The following CPPED1 variants were observed in gnomAD, a reference collection of about 807,000 sequenced individuals.
The protein encoded by CPPED1 is calcineurin like phosphoesterase domain containing 1.
Under a neutral mutation model 28.0 loss-of-function variants are expected in CPPED1, and 28 were observed. The ratio of observed to expected loss-of-function variants is 1.00; its 90% CI spans 0.74 to 1.37. The LOEUF is 1.37. Ranked by LOEUF, CPPED1 falls within the 40% of genes most tolerant of loss-of-function variation. The pLI, the probability that CPPED1 is intolerant of heterozygous loss-of-function variation, is 0.00. For missense variants in CPPED1, 504 were observed against 416.5 expected, an observed-to-expected ratio of 1.21 and a Z score of -1.83; for synonymous variants, 198 against 180.2, an observed-to-expected ratio of 1.10 and a Z score of -0.79.
At chr16:12,704,568 A>T in intron 3 of CPPED1, 56 bp downstream of exon 3, 1 of 1,514,520 alleles carries the variant, frequency 6.6e-7, no homozygotes. Flanking sequence ...AAGATCTGGA[A>T]ATGCCCTCTC....
At chr16:12,757,778 G>C (rs1410612721) in intron 2 of CPPED1, 1 of 149,250 alleles carries the variant, frequency 6.7e-6, no homozygotes, top group Admixed American at 6.9e-5. Context: ...GCTGTCACAT[G>C]TTGCCAGATT....
intron 2 of CPPED1, among the ~76,000 whole-genome samples, chr16:12,717,350 G>A (rs566276324): frequency 2.0e-5 from 3 of 152,230 alleles, no homozygotes; most frequent in South Asian, 2.1e-4. Flanking sequence ...TGCAAGCTGC[G>A]CCTCCCAGGT....
intron 1 of CPPED1, among the ~76,000 whole-genome samples, chr16:12,787,741 G>C (rs2080572973): frequency 1.3e-5 from 2 of 152,100 alleles, no homozygotes. Flanking sequence ...TTTTTTGACA[G>C]ATTCATAGAG....
intron 2 of CPPED1, chr16:12,761,258 C>T (rs1309816709): frequency 1.7e-5 from 2 of 117,522 alleles, no homozygotes; most frequent in Non-Finnish European, 3.2e-5. Context: ...GCCTGGGAGA[C>T]AGAGCCAGAC....
Position 12,665,123 on chromosome 16 carries a change from G to A in CPPED1, c.716-8C>T. ...AGAACACGACTTTGACACCTGCAGA[G>A]AAGGGAAAAAGTCATTAGGGGGCCG... On this transcript the variant is annotated splice_region_variant and splice_polypyrimidine_tract_variant and intron_variant, in intron 3 of 3. Coordinates refer to ENST00000381774, the MANE Select transcript of CPPED1 (RefSeq NM_018340.3). 6.3e-7 allele frequency: 1 copy of A among 1,588,520 alleles called. No homozygotes were observed. Among genetic ancestry groups the A allele is most frequent in the Admixed American group, 1.9e-5 (1 of 51,646 alleles).
chr16:12,664,270 A>G lies in CPPED1; in HGVS notation c.*616T>C. 1.3e-6 allele frequency: 1 copy of G among 786,160 alleles called. No individual in the cohort carries two copies. Among genetic ancestry groups the G allele is most frequent in the Non-Finnish European group, 1.5e-6 (1 of 647,852 alleles). 48.7% of individuals were successfully genotyped at this position (786,160 alleles called of 1,614,324 possible). A position where few individuals can be genotyped will look rare whatever the true frequency, so the allele number is the denominator to read the frequency against. On this transcript the variant is annotated 3_prime_UTR_variant, in exon 4 of 4. Transcript: ENST00000381774. This position sits in a 1 kb window ranked among gnomAD's most constrained non-coding sequence, Gnocchi z 4.2. The stretch of plus-strand genomic sequence containing the variant: ...TCTAGGCACCCAGGAAGGCAAATTT[A>G]AGCTCCGAGCTGTATCAACTGCATT...
At chr16:12,718,912 G>A (rs533030262) in intron 2 of CPPED1, among the ~76,000 whole-genome samples, 167 of 152,290 alleles carry the variant, frequency 1.1e-3, no homozygotes, top group African/African-American at 3.6e-3. Flanking sequence ...GCAGTGAGCT[G>A]AGATCCTTCC....
chr16:12,802,051 CT>C (rs2080663353), intron 1 of CPPED1, among the ~76,000 whole-genome samples: 2 of 152,124 alleles, frequency 1.3e-5, no homozygotes, highest in African/African-American at 4.8e-5. Context: ...TCTCCCTGCT[CT>C]GATTTCTTCT....
At chr16:12,767,204 T>C (rs575703987) in intron 2 of CPPED1, among the ~76,000 whole-genome samples, 18 of 152,228 alleles carry the variant, frequency 1.2e-4, no homozygotes, top group Admixed American at 6.5e-4. Flanking sequence ...GAGAAACTGA[T>C]GGTGTTAGTG....
rs191179750 is a variant in CPPED1 at position 12,731,244 on chromosome 16, C to G, written c.290-26195G>C. On this transcript the variant is annotated intron_variant, in intron 2 of 3. Coordinates refer to ENST00000381774, the MANE Select transcript of CPPED1 (RefSeq NM_018340.3). ...TCTCGGCTCACTGCAAGCTCCACCC[C>G]CCGGGTTCATGCCATTCCCCTGCCT... Among the ~76,000 whole-genome samples the G allele has an allele frequency of 4.5e-3, 680 of 151,754 alleles. 11 individuals are homozygous for G. The highest frequency in any genetic ancestry group is 0.016 in the African/African-American group (652 of 41,396).
chr16:12,666,089 C>A (rs1170322960), intron 3 of CPPED1, among the ~76,000 whole-genome samples: 3 of 152,108 alleles, frequency 2.0e-5, no homozygotes, highest in Non-Finnish European at 4.4e-5. Context: ...GCACTCCAGC[C>A]TGGGCGACAA....
chr16:12,753,118 T>C (rs2080341149), intron 2 of CPPED1: 1 of 152,064 alleles, frequency 6.6e-6, no homozygotes, highest in Admixed American at 6.6e-5. Context: ...TATTATTCTA[T>C]TCACTGTGAA....
At chr16:12,700,854 C>T (rs2080016548) in intron 3 of CPPED1, among the ~76,000 whole-genome samples, 1 of 152,138 alleles carries the variant, frequency 6.6e-6, no homozygotes, top group Admixed American at 6.5e-5. Context: ...CTTGCAAATC[C>T]ACCTGACAAG....
At chr16:12,724,549 G>C (rs2080159321) in intron 2 of CPPED1, among the ~76,000 whole-genome samples, 1 of 152,120 alleles carries the variant, frequency 6.6e-6, no homozygotes, top group Non-Finnish European at 1.5e-5. Context: ...CTCATCTTCA[G>C]ATCCCTTATC....
chr16:12,690,098 G>A (rs1417053189), intron 3 of CPPED1, among the ~76,000 whole-genome samples: 3 of 152,116 alleles, frequency 2.0e-5, no homozygotes. Flanking sequence ...TGCATTTTAA[G>A]TGAGCTTTTT....
At chr16:12,787,652 G>A (rs182237115) in intron 1 of CPPED1, among the ~76,000 whole-genome samples, 41 of 151,834 alleles carry the variant, frequency 2.7e-4, no homozygotes, top group Non-Finnish European at 4.3e-4. Flanking sequence ...TGATCTGCCC[G>A]TCTCAGCCTC....
At chr16:12,796,175 A>T (rs2080626704) in intron 1 of CPPED1, among the ~76,000 whole-genome samples, 1 of 152,006 alleles carries the variant, frequency 6.6e-6, no homozygotes, top group African/African-American at 2.4e-5. Flanking sequence ...GTACAGGTAG[A>T]AAAAGACAGC....
chr16:12,684,336 C>T (rs537601194), intron 3 of CPPED1, among the ~76,000 whole-genome samples: 3 of 152,254 alleles, frequency 2.0e-5, no homozygotes, highest in South Asian at 4.1e-4. Flanking sequence ...CAAAATGAGA[C>T]CCCATCTCTA....
At chr16:12,665,667 C>T (rs1056607224) in intron 3 of CPPED1, among the ~76,000 whole-genome samples, 9 of 151,580 alleles carry the variant, frequency 5.9e-5, no homozygotes, top group African/African-American at 1.2e-4. Context: ...TGGTGGCTCA[C>T]GCCTGTAATC....
Sources: gnomAD v4.1 joint callset for allele counts (sites outside exome capture counted in the v4.1 genomes callset) on GRCh38, gnomAD v4.1.1 for gene constraint, Gnocchi (gnomAD v3.1) non-coding constraint, MANE v1.5 for transcripts, NCBI Gene and HGNC (gene_info 2026-07-23, HGNC 2026-07-21) for gene names.